The following SPATA6 variants were observed in gnomAD, a reference collection of about 807,000 sequenced individuals.
SPATA6 encodes the protein spermatogenesis-associated protein 6.
A neutral mutation model predicts 65.3 loss-of-function variants in SPATA6; 56 were observed. The ratio of observed to expected loss-of-function variants is 0.86; its 90% CI spans 0.69 to 1.07. SPATA6 has a LOEUF of 1.07. Ranked by LOEUF, SPATA6 falls within the 50% of genes least tolerant of loss-of-function variation. SPATA6 has a pLI of 0.00. For missense variants in SPATA6, 590 were observed against 594.8 expected, an observed-to-expected ratio of 0.99 and a Z score of 0.08; for synonymous variants, 199 against 213.2, an observed-to-expected ratio of 0.93 and a Z score of 0.58.
At chr1:48,327,029 C>A (rs1276299207) in intron 11 of SPATA6, among the ~76,000 whole-genome samples, 9 of 151,900 alleles carry the variant, frequency 5.9e-5, no homozygotes, top group Non-Finnish European at 1.3e-4. Context: ...AGGTTCTGTA[C>A]AACAAAATAT....
rs1380101152 is a variant in SPATA6 at position 48,298,713 on chromosome 1, T to C, written c.1467A>G (p.Ter489TrpextTer4). ...SSASHTQESF[*>W] is the part of the protein sequence containing the mutation. ...CTAATGAGGTTTATCATGGATGGTC[T>C]CAGAAGCTTTCCTGTGTATGTGAAG... The change falls in exon 13 of 13, where the codon TGA (stop) becomes TGG (tryptophan). Residue 489 changes from the stop codon to tryptophan, a stop_lost. Coordinates refer to ENST00000371847, the MANE Select transcript of SPATA6 (RefSeq NM_019073.4). 1 of 1,611,306 alleles carries C rather than the reference T, an allele frequency of 6.2e-7. No homozygotes were observed. The highest frequency in any genetic ancestry group is 1.7e-5 in the Admixed American group (1 of 59,598).
chr1:48,323,526 C>A (rs1462865447), intron 11 of SPATA6, among the ~76,000 whole-genome samples: 1 of 151,428 alleles, frequency 6.6e-6, no homozygotes, highest in East Asian at 1.9e-4. Context: ...ATGTTAAAAA[C>A]CTGCATCTTG....
chr1:48,401,380 A>G (rs535038991), intron 6 of SPATA6, among the ~76,000 whole-genome samples: 31 of 152,098 alleles, frequency 2.0e-4, no homozygotes, highest in Non-Finnish European at 1.9e-4. Context: ...TATAAATTAC[A>G]TACTATCTAC....
intron 11 of SPATA6, among the ~76,000 whole-genome samples, chr1:48,326,879 T>G (rs1608694): frequency 0.98 from 148,825 of 152,244 alleles, 72,828 homozygotes; most frequent in East Asian, 1. Context: ...TTAAATGTAA[T>G]ACCTGAAACT....
chr1:48,410,481 C>T (rs760624982), intron 5 of SPATA6, among the ~76,000 whole-genome samples: 5 of 152,222 alleles, frequency 3.3e-5, no homozygotes, highest in Non-Finnish European at 7.3e-5. Context: ...TTCACTTCCA[C>T]ATTCTCGGGT....
chr1:48,457,659 T>C (rs1263199367), intron 1 of SPATA6, among the ~76,000 whole-genome samples: 1 of 152,104 alleles, frequency 6.6e-6, no homozygotes, highest in African/African-American at 2.4e-5. Flanking sequence ...AAAATTTTCT[T>C]TCAAAAAGGA....
intron 9 of SPATA6, among the ~76,000 whole-genome samples, chr1:48,379,977 CTTAAT>C (rs879756148): frequency 1.4e-4 from 21 of 152,154 alleles, no homozygotes; most frequent in Non-Finnish European, 2.4e-4. Context: ...CATTAAGTAG[CTTAAT>C]TTAATCATTC....
chr1:48,313,609 A>G (rs1379708983), intron 11 of SPATA6, among the ~76,000 whole-genome samples: 1 of 152,228 alleles, frequency 6.6e-6, no homozygotes. Context: ...TGTAACGACC[A>G]TCGAGGCTAG....
chr1:48,368,994 G>A (rs1044732674), intron 9 of SPATA6, among the ~76,000 whole-genome samples: 1 of 152,160 alleles, frequency 6.6e-6, no homozygotes. Flanking sequence ...CTTTCTGTTT[G>A]TTAGTTTTCC....
At chr1:48,431,536 A>G (rs1279667481) in intron 3 of SPATA6, among the ~76,000 whole-genome samples, 1 of 152,182 alleles carries the variant, frequency 6.6e-6, no homozygotes, top group Non-Finnish European at 1.5e-5. Flanking sequence ...ATGGTAGACC[A>G]CAAATTAAAT....
rs544139191 is a variant in SPATA6, at chr1:48,364,582, T to A, written c.910-4812A>T. 7.9e-4 allele frequency among the ~76,000 whole-genome samples: 121 copies of A among 152,362 alleles called. 1 individual carries two copies. The highest frequency in any genetic ancestry group is 2.8e-3 in the African/African-American group (118 of 41,586). On this transcript the variant is annotated intron_variant, in intron 9 of 12. Transcript: ENST00000371847. ...GATGAGCATTTTTTCATGTGTTTTT[T>A]GGCTGCATAAATGTCTTCTTTTGAG...
intron 1 of SPATA6, among the ~76,000 whole-genome samples, chr1:48,458,326 C>T (rs1267861812): frequency 2.0e-5 from 3 of 152,120 alleles, no homozygotes; most frequent in Non-Finnish European, 4.4e-5. Flanking sequence ...AACTATGATC[C>T]AACTATTTTT....
intron 3 of SPATA6, among the ~76,000 whole-genome samples, chr1:48,445,711 G>A (rs1294468429): frequency 2.3e-5 from 3 of 129,470 alleles, no homozygotes; most frequent in East Asian, 4.9e-4. Flanking sequence ...CCACCTGAAC[G>A]AAAGGTAGAA....
intron 11 of SPATA6, among the ~76,000 whole-genome samples, chr1:48,313,782 G>A (rs1037055407): frequency 1.3e-5 from 2 of 152,158 alleles, no homozygotes; most frequent in Non-Finnish European, 2.9e-5. Flanking sequence ...CCATCAGTGT[G>A]CTGTACTCAG....
At chr1:48,389,186 G>A (rs1458397717) in intron 8 of SPATA6, among the ~76,000 whole-genome samples, 1 of 152,046 alleles carries the variant, frequency 6.6e-6, no homozygotes, top group Non-Finnish European at 1.5e-5. Context: ...ACTAAACCAA[G>A]CATAAGAACC....
intron 9 of SPATA6, among the ~76,000 whole-genome samples, chr1:48,365,306 T>C (rs1420936778): frequency 2.0e-5 from 3 of 152,182 alleles, no homozygotes; most frequent in Admixed American, 6.6e-5. Context: ...CCATATGAAC[T>C]TTAAAGTAGT....
the SPATA6 span, among the ~76,000 whole-genome samples, chr1:48,284,932 T>A: frequency 6.6e-6 from 1 of 152,204 alleles, no homozygotes; most frequent in Non-Finnish European, 1.5e-5. Context: ...GGAGGTAGTC[T>A]GACCCTTAGC....
At chr1:48,346,623 G>A (rs1646373254) in intron 11 of SPATA6, among the ~76,000 whole-genome samples, 2 of 151,882 alleles carry the variant, frequency 1.3e-5, no homozygotes, top group Admixed American at 1.3e-4. Context: ...AAATCTCAGG[G>A]GATACAAAAT....
intron 11 of SPATA6, among the ~76,000 whole-genome samples, chr1:48,337,127 T>C (rs72891597): frequency 0.025 from 3,731 of 151,982 alleles, 97 homozygotes; most frequent in African/African-American, 0.067. Flanking sequence ...CTGTCATTAA[T>C]TTAGATGCAA....
Sources: allele counts gnomAD v4.1 joint callset (sites outside exome capture counted in the v4.1 genomes callset), GRCh38; gene constraint gnomAD v4.1.1; transcripts MANE v1.5; gene names NCBI Gene and HGNC (gene_info 2026-07-23, HGNC 2026-07-21).